The following KAZN variants were observed in gnomAD, a reference collection of about 807,000 sequenced individuals.
KAZN encodes the protein kazrin, periplakin interacting protein, also known as kazrin.
KAZN carries 40 observed loss-of-function variants against 87.4 expected under a neutral mutation model. The observed-to-expected ratio is 0.46, with a 90% CI of 0.36 to 0.60. KAZN has a LOEUF of 0.60. Among genes scored for constraint, KAZN ranks in the 20% least tolerant of loss-of-function variants. The probability of loss-of-function intolerance (pLI) is 0.00; values close to 1 mark genes in which losing one functional copy is unlikely to be tolerated. For synonymous variants in KAZN, 466 were observed against 458.3 expected (o/e 1.02, Z -0.22); for missense variants, 898 against 1,073.9 (o/e 0.84, Z 2.29).
At chr1:13,982,789 A>T (rs1335743060) in intron 1 of KAZN, among the ~76,000 whole-genome samples, 1 of 151,684 alleles carries the variant, frequency 6.6e-6, no homozygotes, top group Non-Finnish European at 1.5e-5. Flanking sequence ...CCACTGGTGC[A>T]CTCACAAACC....
At chr1:15,053,854 C>G (rs562230103) in intron 4 of KAZN, among the ~76,000 whole-genome samples, 1 of 152,226 alleles carries the variant, frequency 6.6e-6, no homozygotes, top group Non-Finnish European at 1.5e-5. Flanking sequence ...AAGGCTGACA[C>G]CCTCAGCTTA....
intron 1 of KAZN, among the ~76,000 whole-genome samples, chr1:14,643,373 T>C (rs10927478): frequency 0.26 from 38,803 of 152,056 alleles, 5,141 homozygotes; most frequent in South Asian, 0.33. Context: ...TCTTTGTGTC[T>C]ATGTGTTCTT....
intron 1 of KAZN, among the ~76,000 whole-genome samples, chr1:14,694,271 C>T (rs1641480787): frequency 1.3e-5 from 2 of 152,242 alleles, no homozygotes; most frequent in Non-Finnish European, 1.5e-5. Flanking sequence ...ACCCATCTGT[C>T]ACTGGCCAAG....
intron 13 of KAZN, among the ~76,000 whole-genome samples, chr1:15,110,728 A>AT (rs1641577117): frequency 2.0e-5 from 3 of 152,246 alleles, no homozygotes; most frequent in Non-Finnish European, 4.4e-5. Context: ...TAAATCCCAA[A>AT]GTGGGAAGGC....
chr1:14,933,051 A>G (rs10927584), intron 1 of KAZN, among the ~76,000 whole-genome samples: 6,031 of 151,998 alleles, frequency 0.04, 389 homozygotes, highest in African/African-American at 0.14. Flanking sequence ...CAGGTACCTC[A>G]TCTAAGTAGG....
intron 2 of KAZN, among the ~76,000 whole-genome samples, chr1:14,296,495 C>T (rs569907643): frequency 1.4e-4 from 22 of 152,286 alleles, no homozygotes; most frequent in African/African-American, 5.3e-4. Flanking sequence ...TGCCTGGTGC[C>T]TACCTCAAGG....
chr1:14,842,495 C>A (rs983905619), intron 1 of KAZN, among the ~76,000 whole-genome samples: 3 of 152,198 alleles, frequency 2.0e-5, no homozygotes, highest in Non-Finnish European at 2.9e-5. Flanking sequence ...TCTCCTGTTG[C>A]GTTAGCTATC....
At chr1:14,908,736 C>T (rs967692711) in intron 1 of KAZN, among the ~76,000 whole-genome samples, 5 of 148,390 alleles carry the variant, frequency 3.4e-5, no homozygotes, top group South Asian at 2.2e-4. Flanking sequence ...CATGTGGGTC[C>T]GGGCATGGTG....
chr1:14,812,686 T>A (rs1279433541), intron 1 of KAZN, among the ~76,000 whole-genome samples: 2 of 152,154 alleles, frequency 1.3e-5, no homozygotes, highest in Non-Finnish European at 1.5e-5. Context: ...GCTAATTTTT[T>A]AAATTTTTTG....
At chr1:14,338,504 AAGAGAGAGAG>A (rs70997135) in intron 2 of KAZN, among the ~76,000 whole-genome samples, 1 of 142,218 alleles carries the variant, frequency 7.0e-6, no homozygotes, top group Non-Finnish European at 1.5e-5. Context: ...AAAAAAAAAA[AAGAGAGAGAG>A]AGAGAGTGAG....
intron 1 of KAZN, among the ~76,000 whole-genome samples, chr1:14,892,911 A>G (rs1241690451): frequency 6.6e-6 from 1 of 152,220 alleles, no homozygotes; most frequent in Non-Finnish European, 1.5e-5. Context: ...TCCTAAGATT[A>G]TTCCTCATTC....
At chr1:14,259,987 C>T (rs371969670) in intron 2 of KAZN, among the ~76,000 whole-genome samples, 6 of 152,212 alleles carry the variant, frequency 3.9e-5, no homozygotes, top group East Asian at 3.9e-4. Flanking sequence ...GAAAATGGAA[C>T]GGGGTTGTGG....
At chr1:14,551,677 G>A (rs1673531542) in intron 2 of KAZN, among the ~76,000 whole-genome samples, 1 of 152,148 alleles carries the variant, frequency 6.6e-6, no homozygotes, top group Admixed American at 6.5e-5. Flanking sequence ...GGTGGAGGGA[G>A]CGAGGTGAAG....
At chr1:14,228,113 CT>C (rs578245855) in intron 2 of KAZN, among the ~76,000 whole-genome samples, 115 of 152,268 alleles carry the variant, frequency 7.6e-4, no homozygotes, top group African/African-American at 2.6e-3. Context: ...ACTCTACACA[CT>C]TTTCAGCTCA....
chr1:14,723,036 G>A (rs1398152036), intron 1 of KAZN, among the ~76,000 whole-genome samples: 3 of 152,064 alleles, frequency 2.0e-5, no homozygotes, highest in African/African-American at 7.2e-5. Context: ...TGAGGCAGTA[G>A]GATCACTTGA....
At chr1:13,991,415 T>C (rs1236012323) in intron 1 of KAZN, among the ~76,000 whole-genome samples, 1 of 151,660 alleles carries the variant, frequency 6.6e-6, no homozygotes, top group Non-Finnish European at 1.5e-5. Context: ...GTTCTGCACA[T>C]GTATCCCGGA....
At chr1:14,709,193 C>G (rs1642365096) in intron 1 of KAZN, among the ~76,000 whole-genome samples, 1 of 152,186 alleles carries the variant, frequency 6.6e-6, no homozygotes, top group Non-Finnish European at 1.5e-5. Flanking sequence ...CACACACCAG[C>G]AAATAGAGAG....
At chr1:14,106,871 C>G (rs971802323) in intron 1 of KAZN, among the ~76,000 whole-genome samples, 1 of 152,102 alleles carries the variant, frequency 6.6e-6, no homozygotes, top group African/African-American at 2.4e-5. Context: ...CTAGCTGGAT[C>G]AGTGCATGCA....
At chr1:14,870,919 T>C (rs188757394) in intron 1 of KAZN, among the ~76,000 whole-genome samples, 209 of 152,342 alleles carry the variant, frequency 1.4e-3, no homozygotes, top group African/African-American at 4.9e-3. Context: ...ATCATATGAA[T>C]GGCCGCCTCC....
Sources: allele counts gnomAD v4.1 joint callset (sites outside exome capture counted in the v4.1 genomes callset), GRCh38; gene constraint gnomAD v4.1.1; transcripts MANE v1.5; gene names NCBI Gene and HGNC (gene_info 2026-07-23, HGNC 2026-07-21).